KCNT2: variants seen among roughly 807,000 people sequenced by gnomAD.
KCNT2 encodes potassium sodium-activated channel subfamily T member 2, also known as potassium channel subfamily T member 2.
Under a neutral mutation model 153.8 loss-of-function variants are expected in KCNT2, and 67 were observed. The observed-to-expected ratio is 0.44, with a 90% CI of 0.36 to 0.53. The LOEUF (loss-of-function observed/expected upper bound fraction) is 0.53. Among genes scored for constraint, KCNT2 ranks in the 20% least tolerant of loss-of-function variants. The pLI is 0.00. For missense variants in KCNT2, 975 were observed against 1,354.8 expected (o/e 0.72, Z 4.40); for synonymous variants, 500 against 458.8 (o/e 1.09, Z -1.15).
At chr1:196,492,195 T>G in intron 2 of KCNT2, 67 bp downstream of exon 2, 9 of 1,336,092 alleles carry the variant, frequency 6.7e-6, no homozygotes, top group Non-Finnish European at 8.8e-6. Context: ...TTGCAAAAGA[T>G]CACACAGTTG....
intron 8 of KCNT2, among the ~76,000 whole-genome samples, chr1:196,455,746 T>C (rs1337895651): frequency 6.6e-6 from 1 of 151,984 alleles, no homozygotes; most frequent in Non-Finnish European, 1.5e-5. Context: ...TTTATCTGCT[T>C]GTTGAGCAAG....
intron 20 of KCNT2, among the ~76,000 whole-genome samples, chr1:196,317,483 T>C (rs1043626465): frequency 6.6e-5 from 10 of 151,714 alleles, no homozygotes; most frequent in African/African-American, 9.7e-5. Context: ...ATGGCCCTTG[T>C]GGACCATCAA....
intron 21 of KCNT2, among the ~76,000 whole-genome samples, chr1:196,311,145 A>G (rs923466973): frequency 1.3e-5 from 2 of 151,826 alleles, no homozygotes; most frequent in African/African-American, 4.8e-5. Flanking sequence ...TCTATATACA[A>G]TTCTACATAT....
At chr1:196,502,067 A>T (rs985094376) in intron 1 of KCNT2, among the ~76,000 whole-genome samples, 1 of 152,188 alleles carries the variant, frequency 6.6e-6, no homozygotes, top group Non-Finnish European at 1.5e-5. Flanking sequence ...CAGTGAGTTG[A>T]GATCGTGCCA....
At chr1:196,233,874 G>T (rs1654177406) in intron 27 of KCNT2, among the ~76,000 whole-genome samples, 1 of 151,374 alleles carries the variant, frequency 6.6e-6, no homozygotes, top group Non-Finnish European at 1.5e-5. Flanking sequence ...GGAGATAGTA[G>T]GCAGAATGTT....
chr1:196,305,391 G>T, intron 21 of KCNT2, 46 bp from the exon 22 acceptor site: 3 of 1,023,664 alleles, frequency 2.9e-6, no homozygotes, highest in Non-Finnish European at 4.6e-6. Context: ...ATCCAATATG[G>T]TATTTTTTAT....
chr1:196,316,965 C>T (rs958383335), intron 20 of KCNT2, among the ~76,000 whole-genome samples: 7 of 151,592 alleles, frequency 4.6e-5, no homozygotes, highest in Non-Finnish European at 1.0e-4. Context: ...AATTGATTTC[C>T]GTATCTTCTG....
chr1:196,229,952 C>G (rs958330809), intron 27 of KCNT2, among the ~76,000 whole-genome samples: 2 of 152,028 alleles, frequency 1.3e-5, no homozygotes, highest in Non-Finnish European at 2.9e-5. Flanking sequence ...TGAGTCCCCT[C>G]CATAACATAA....
At chr1:196,273,374 A>G (rs1658249904) in intron 25 of KCNT2, 2 of 782,156 alleles carry the variant, frequency 2.6e-6, no homozygotes. Flanking sequence ...ATGTCTGAGT[A>G]TTAAATTCAA....
intron 12 of KCNT2, among the ~76,000 whole-genome samples, chr1:196,421,635 T>A (rs771038094): frequency 1.5e-4 from 23 of 152,072 alleles, no homozygotes; most frequent in Non-Finnish European, 3.1e-4. Context: ...CTTTTTCTCA[T>A]ATATATATTT....
intron 1 of KCNT2, among the ~76,000 whole-genome samples, chr1:196,565,184 A>G (rs1049736461): frequency 1.3e-5 from 2 of 151,938 alleles, no homozygotes; most frequent in African/African-American, 4.8e-5. Flanking sequence ...CAATAGATAT[A>G]TGAAAAAATC....
intron 1 of KCNT2, among the ~76,000 whole-genome samples, chr1:196,503,370 C>A (rs1249943941): frequency 6.6e-6 from 1 of 152,164 alleles, no homozygotes; most frequent in African/African-American, 2.4e-5. Context: ...CATCACAAAA[C>A]TATTTATAAG....
At chr1:196,599,872 C>A (rs1398769836) in intron 1 of KCNT2, among the ~76,000 whole-genome samples, 1 of 152,180 alleles carries the variant, frequency 6.6e-6, no homozygotes, top group African/African-American at 2.4e-5. Flanking sequence ...ATTTTTCTTT[C>A]TTTCAGGCAA....
chr1:196,546,917 T>A (rs1657175466), intron 1 of KCNT2, among the ~76,000 whole-genome samples: 1 of 151,942 alleles, frequency 6.6e-6, no homozygotes, highest in East Asian at 1.9e-4. Flanking sequence ...AGAAAAAGAA[T>A]GTAATAAATA....
intron 14 of KCNT2, among the ~76,000 whole-genome samples, chr1:196,348,764 G>A (rs1009386119): frequency 6.6e-6 from 1 of 152,052 alleles, no homozygotes; most frequent in Non-Finnish European, 1.5e-5. Flanking sequence ...GGTGGCTCAC[G>A]CCTGTAATCC....
intron 7 of KCNT2, among the ~76,000 whole-genome samples, chr1:196,466,596 T>A (rs1677637568): frequency 6.6e-6 from 1 of 152,086 alleles, no homozygotes; most frequent in African/African-American, 2.4e-5. Flanking sequence ...TTGTGCCAGA[T>A]AAAATACTAT....
chr1:196,511,822 T>G (rs1182029471), intron 1 of KCNT2, among the ~76,000 whole-genome samples: 3 of 152,192 alleles, frequency 2.0e-5, no homozygotes, highest in African/African-American at 7.2e-5. Context: ...CAACCTCATA[T>G]TAACATAATC....
intron 25 of KCNT2, among the ~76,000 whole-genome samples, chr1:196,273,724 C>T (rs919893963): frequency 6.6e-6 from 1 of 151,634 alleles, no homozygotes; most frequent in Non-Finnish European, 1.5e-5. Context: ...AAATTGTCTT[C>T]CCATTGTAAT....
At chr1:196,249,820 T>A (rs1330364367) in intron 26 of KCNT2, among the ~76,000 whole-genome samples, 1 of 151,040 alleles carries the variant, frequency 6.6e-6, no homozygotes, top group Admixed American at 6.6e-5. Flanking sequence ...CAGTGAACAA[T>A]CTGATAAAAT....
Sources: allele counts gnomAD v4.1 joint callset (sites outside exome capture counted in the v4.1 genomes callset), GRCh38; gene constraint gnomAD v4.1.1; transcripts MANE v1.5; gene names NCBI Gene and HGNC (gene_info 2026-07-23, HGNC 2026-07-21).